The following OPCML variants were observed in gnomAD, a reference collection of about 807,000 sequenced individuals.
OPCML encodes opioid binding protein/cell adhesion molecule like.
In OPCML, 13 loss-of-function variants were observed where a neutral mutation model predicts 37.8. The ratio of observed to expected loss-of-function variants is 0.34; its 90% CI spans 0.22 to 0.55. OPCML has a LOEUF of 0.55. OPCML is among the 20% of genes least tolerant of loss of function. The pLI is 0.91. For missense variants in OPCML, 341 were observed against 435.6 expected (o/e 0.78, Z 1.93); for synonymous variants, 176 against 168.8 (o/e 1.04, Z -0.33).
chr11:132,649,268 GT>G (rs926541456), intron 3 of OPCML, among the ~76,000 whole-genome samples: 34 of 150,572 alleles, frequency 2.3e-4, no homozygotes, highest in East Asian at 9.7e-4. Flanking sequence ...GGAGAAATCT[GT>G]TTTTTTTTCT....
At chr11:132,978,667 T>C (rs909995931) in intron 1 of OPCML, among the ~76,000 whole-genome samples, 5 of 152,182 alleles carry the variant, frequency 3.3e-5, no homozygotes, top group African/African-American at 1.2e-4. Context: ...CAGGGGTCAG[T>C]CTTTGGATCT....
chr11:133,347,615 T>C (rs1476998384), intron 1 of OPCML, among the ~76,000 whole-genome samples: 1 of 152,108 alleles, frequency 6.6e-6, no homozygotes, highest in Non-Finnish European at 1.5e-5. Context: ...AGACTAAAGA[T>C]GAAAACCAGG....
At chr11:132,713,574 C>T (rs1249233488) in intron 2 of OPCML, among the ~76,000 whole-genome samples, 1 of 152,200 alleles carries the variant, frequency 6.6e-6, no homozygotes, top group Non-Finnish European at 1.5e-5. Flanking sequence ...AACCTTAAGT[C>T]TCCTATCCCA....
intron 1 of OPCML, among the ~76,000 whole-genome samples, chr11:132,986,763 G>A (rs1659934096): frequency 6.6e-6 from 1 of 152,178 alleles, no homozygotes; most frequent in Non-Finnish European, 1.5e-5. Context: ...ATGGGTAATC[G>A]AGAGTTAATT....
intron 3 of OPCML, among the ~76,000 whole-genome samples, chr11:132,652,598 A>G (rs1396661385): frequency 6.6e-6 from 1 of 152,208 alleles, no homozygotes; most frequent in Non-Finnish European, 1.5e-5. Context: ...GTAAATGGAG[A>G]TAACGGTCAC....
At chr11:133,253,637 A>G (rs953944499) in intron 1 of OPCML, among the ~76,000 whole-genome samples, 2 of 152,168 alleles carry the variant, frequency 1.3e-5, no homozygotes, top group Non-Finnish European at 2.9e-5. Context: ...TCTTCATAAC[A>G]AATAAACCTT....
At chr11:133,452,030 A>G (rs1238823878) in intron 1 of OPCML, among the ~76,000 whole-genome samples, 2 of 151,558 alleles carry the variant, frequency 1.3e-5, no homozygotes, top group Non-Finnish European at 2.9e-5. Flanking sequence ...AAGAACAAAA[A>G]TCAATACATT....
intron 1 of OPCML, chr11:133,005,099 T>C: frequency 1.0e-6 from 1 of 985,362 alleles, no homozygotes; most frequent in Non-Finnish European, 1.2e-6. Flanking sequence ...TGGCTTCCCA[T>C]GAAGTTTAGA....
chr11:133,477,011 C>T (rs1947254530), intron 1 of OPCML, among the ~76,000 whole-genome samples: 2 of 152,130 alleles, frequency 1.3e-5, no homozygotes, highest in Admixed American at 1.3e-4. Flanking sequence ...TTTTACAAAA[C>T]AGGACCCTTG....
intron 2 of OPCML, among the ~76,000 whole-genome samples, chr11:132,723,635 T>G (rs1944760461): frequency 6.6e-6 from 1 of 152,252 alleles, no homozygotes; most frequent in African/African-American, 2.4e-5. Flanking sequence ...ATCCATCTGC[T>G]TTATCTTCCC....
chr11:132,787,545 T>C (rs1947255959), intron 2 of OPCML, among the ~76,000 whole-genome samples: 1 of 152,042 alleles, frequency 6.6e-6, no homozygotes, highest in Non-Finnish European at 1.5e-5. Context: ...ATTGTGAGGA[T>C]CAGGTCTGCT....
At chr11:132,611,327 C>T (rs1938627128) in intron 3 of OPCML, among the ~76,000 whole-genome samples, 1 of 152,132 alleles carries the variant, frequency 6.6e-6, no homozygotes, top group Non-Finnish European at 1.5e-5. Context: ...CCCCCAGCAC[C>T]ACCCATTTCC....
At chr11:132,678,751 C>T (rs1044405917) in intron 2 of OPCML, among the ~76,000 whole-genome samples, 1 of 152,164 alleles carries the variant, frequency 6.6e-6, no homozygotes, top group Non-Finnish European at 1.5e-5. Flanking sequence ...ACAGGCAGAG[C>T]AATGGGGCTT....
At chr11:132,984,180 A>G (rs1946643211) in intron 1 of OPCML, among the ~76,000 whole-genome samples, 2 of 152,196 alleles carry the variant, frequency 1.3e-5, no homozygotes, top group Non-Finnish European at 2.9e-5. Context: ...ATGCTATGCC[A>G]CCATCTAAAC....
intron 2 of OPCML, among the ~76,000 whole-genome samples, chr11:132,820,885 G>T (rs906457949): frequency 2.6e-5 from 4 of 152,030 alleles, no homozygotes; most frequent in Non-Finnish European, 4.4e-5. Flanking sequence ...TCTGAGAGGG[G>T]GCCTTATTAT....
At chr11:133,006,680 T>C (rs1201587975) in intron 1 of OPCML, 1 of 985,338 alleles carries the variant, frequency 1.0e-6, no homozygotes, top group South Asian at 4.7e-5. Flanking sequence ...ATCCCACATG[T>C]CTGCCACTTC....
At chr11:133,500,668 G>A (rs148248595) in intron 1 of OPCML, among the ~76,000 whole-genome samples, 11 of 152,226 alleles carry the variant, frequency 7.2e-5, no homozygotes, top group African/African-American at 1.9e-4. Flanking sequence ...AGAATTACCC[G>A]GCTCGAGTCC....
chr11:133,210,565 G>A (rs1939310731), intron 1 of OPCML, among the ~76,000 whole-genome samples: 1 of 152,110 alleles, frequency 6.6e-6, no homozygotes, highest in South Asian at 2.1e-4. Context: ...GAAAGCTATG[G>A]AAACTGAGCT....
intron 2 of OPCML, among the ~76,000 whole-genome samples, chr11:132,806,673 C>A (rs934402422): frequency 6.6e-6 from 1 of 152,066 alleles, no homozygotes; most frequent in Admixed American, 6.5e-5. Context: ...ATTTTAATTC[C>A]ACTCACTCAG....
Sources: gnomAD v4.1 joint callset for allele counts (sites outside exome capture counted in the v4.1 genomes callset) on GRCh38, gnomAD v4.1.1 for gene constraint, MANE v1.5 for transcripts, NCBI Gene and HGNC (gene_info 2026-07-23, HGNC 2026-07-21) for gene names.